Variants in FAM222A observed in about 807,000 individuals in gnomAD.
FAM222A encodes the protein protein FAM222A.
FAM222A carries 7 observed loss-of-function variants against 25.8 expected under a neutral mutation model. That is an observed-to-expected ratio of 0.27 (90% confidence interval 0.15 to 0.51). The LOEUF (loss-of-function observed/expected upper bound fraction) is 0.51. Among genes scored for constraint, FAM222A ranks in the 20% least tolerant of loss-of-function variants. FAM222A has a pLI of 0.97. For missense variants in FAM222A, 573 were observed against 640.5 expected (o/e 0.89, Z 1.14); for synonymous variants, 294 against 298.8 (o/e 0.98, Z 0.17).
At chr12:109,732,606 G>A (rs1043831139) in intron 1 of FAM222A, among the ~76,000 whole-genome samples, 2 of 152,246 alleles carry the variant, frequency 1.3e-5, no homozygotes, top group African/African-American at 4.8e-5. Context: ...GCTTTGTGCT[G>A]TCACAGCCGT....
At position 109,769,515 on chromosome 12, in the gene FAM222A, G is replaced by C; in HGVS notation, c.*227G>C. On this transcript the variant is annotated 3_prime_UTR_variant, in exon 3 of 3. Transcript: ENST00000538780. ...CATCGGTTGCCCCAGGACACAGTGA[G>C]GGCCTGGGGGCAGCCACTGACGCCC... The C allele has an allele frequency of 1.7e-6, 1 of 573,782 alleles. No individual in the cohort carries two copies. The highest frequency in any genetic ancestry group is 2.4e-5 in the South Asian group (1 of 40,820). 35.5% of individuals were successfully genotyped at this position (573,782 alleles called of 1,614,324 possible). A position where few individuals can be genotyped will look rare whatever the true frequency, so the allele number is the denominator to read the frequency against.
Position 109,714,184 on chromosome 12 carries a change from G to A in FAM222A, c.-760G>A, listed in dbSNP as rs532965796. The A allele has an allele frequency of 2.2e-4, 45 of 204,820 alleles. No homozygotes were observed. The highest frequency in any genetic ancestry group is 1.0e-3 in the African/African-American group (42 of 42,016). 12.7% of individuals were successfully genotyped at this position (204,820 alleles called of 1,614,324 possible). ...CGCCGAGGCCCCCGAGGCTGCATCC[G>A]AGCTTGCGTCGCCCGCTGCCGCCGC... On this transcript the variant is annotated 5_prime_UTR_variant, in exon 1 of 3. Transcript: ENST00000538780. This position sits in a 1 kb window ranked among gnomAD's most constrained non-coding sequence, Gnocchi z 4.2.
At chr12:109,719,618 G>A (rs568581225) in intron 1 of FAM222A, among the ~76,000 whole-genome samples, 3 of 152,304 alleles carry the variant, frequency 2.0e-5, no homozygotes, top group Admixed American at 1.3e-4. Context: ...CTGACAAAGC[G>A]GGCTGTGCTC....
chr12:109,756,799 C>T (rs543481068), intron 2 of FAM222A, among the ~76,000 whole-genome samples: 170 of 152,142 alleles, frequency 1.1e-3, no homozygotes, highest in Admixed American at 2.6e-3. Flanking sequence ...CTATATGGTC[C>T]ATAGTTTTTT....
At chr12:109,741,281 C>T (rs2136338624) in intron 1 of FAM222A, among the ~76,000 whole-genome samples, 1 of 152,310 alleles carries the variant, frequency 6.6e-6, no homozygotes, top group South Asian at 2.1e-4. Flanking sequence ...AAAAGTCCCT[C>T]CTCTTTAAGT....
intron 2 of FAM222A, among the ~76,000 whole-genome samples, chr12:109,752,531 G>A (rs1037089742): frequency 2.0e-5 from 3 of 152,226 alleles, no homozygotes; most frequent in Admixed American, 2.0e-4. Context: ...GACCAGACCT[G>A]GGGCCATGCT....
In FAM222A at chr12:109,769,831, G is replaced by A. The variant is rs1339046715; in HGVS notation, c.*543G>A. 1.3e-5 allele frequency: 2 copies of A among 159,918 alleles called. No homozygotes were observed. The highest frequency in any genetic ancestry group is 4.8e-5 in the African/African-American group (2 of 41,518). 9.9% of individuals were successfully genotyped at this position (159,918 alleles called of 1,614,324 possible). A position where few individuals can be genotyped will look rare whatever the true frequency, so the allele number is the denominator to read the frequency against. ...CCAGGTGAAGACCACTCTGACAGAGGCTCCAGGGACTATACCAGTCCCCCT... is the reference window on the plus strand; with the variant it reads ...CCAGGTGAAGACCACTCTGACAGAGACTCCAGGGACTATACCAGTCCCCCT... On this transcript the variant is annotated 3_prime_UTR_variant, in exon 3 of 3. Coordinates refer to ENST00000538780, the MANE Select transcript of FAM222A (RefSeq NM_032829.3).
At chr12:109,748,331 TTTC>T (rs869253825) in intron 2 of FAM222A, among the ~76,000 whole-genome samples, 40,985 of 112,170 alleles carry the variant, frequency 0.37, 5,913 homozygotes, top group South Asian at 0.44. Context: ...TTTGGTTTTC[TTTC>T]TTTTTTTTTT....
At position 109,769,156 on chromosome 12, in the gene FAM222A, G is replaced by A. The variant is rs1374580458; in HGVS notation, c.1227G>A (p.Leu409=). The stretch of plus-strand genomic sequence containing the variant: ...TGCTGAGCAGCAGCCTGCAGTCACT[G>A]GAGTATCTCATCAACGACATCCGGC... The part of the protein sequence containing the change: ...TSVLSSSLQS[L]EYLINDIRPP... The change falls in exon 3 of 3, where the codon CTG becomes CTA. Residue 409 remains leucine, a synonymous_variant. Coordinates refer to ENST00000538780, the MANE Select transcript of FAM222A (RefSeq NM_032829.3). 6.2e-7 allele frequency: 1 copy of A among 1,612,490 alleles called. No individual in the cohort carries two copies. The highest frequency in any genetic ancestry group is 8.5e-7 in the Non-Finnish European group (1 of 1,179,884).
At chr12:109,739,738 T>C (rs1371786305) in intron 1 of FAM222A, among the ~76,000 whole-genome samples, 1 of 152,110 alleles carries the variant, frequency 6.6e-6, no homozygotes, top group African/African-American at 2.4e-5. Context: ...CCAACCACGA[T>C]GGAGCTGCTG....
intron 1 of FAM222A, among the ~76,000 whole-genome samples, chr12:109,731,668 C>T (rs1371158825): frequency 6.6e-6 from 1 of 152,116 alleles, no homozygotes; most frequent in East Asian, 1.9e-4. Context: ...GGGGGTGGGG[C>T]TTGTGTTGCC....
Position 109,768,768 on chromosome 12 carries a change from A to G in FAM222A, c.839A>G (p.Asp280Gly). ...GCCGCCAAGCCTGCAGGGTACGCAG[A>G]CAGCGGCCTGGATTACCTGCTGTGG... is the stretch of plus-strand genomic sequence containing the variant. ...AGAAKPAGYA[D>G]SGLDYLLWPQ... is the part of the protein sequence containing the mutation. Residue 280 changes from aspartate to glycine, a missense_variant, in exon 3 of 3, where the codon GAC becomes GGC. Asp to Gly is a moderately conservative substitution (Grantham distance 94, BLOSUM62 -1). This residue lies in a region of FAM222A where 412 missense variants were observed against 407.0 expected (regional missense o/e 1.01). Coordinates refer to ENST00000538780, the MANE Select transcript of FAM222A (RefSeq NM_032829.3). The G allele has an allele frequency of 6.3e-7, 1 of 1,581,376 alleles. No homozygotes were observed. Among genetic ancestry groups the G allele is most frequent in the Non-Finnish European group, 8.6e-7 (1 of 1,169,324 alleles).
intron 1 of FAM222A, among the ~76,000 whole-genome samples, chr12:109,719,784 C>T (rs1273334692): frequency 4.6e-5 from 7 of 151,962 alleles, no homozygotes; most frequent in Admixed American, 2.6e-4. Context: ...GTGCAGGGGG[C>T]ATCGGGTGCT....
At chr12:109,724,034 A>G (rs1887798098) in intron 1 of FAM222A, among the ~76,000 whole-genome samples, 1 of 152,186 alleles carries the variant, frequency 6.6e-6, no homozygotes, top group South Asian at 2.1e-4. Context: ...GCTGGGACCC[A>G]TCCCCGGGGG....
At chr12:109,757,794 C>T (rs1888776344) in intron 2 of FAM222A, among the ~76,000 whole-genome samples, 2 of 152,202 alleles carry the variant, frequency 1.3e-5, no homozygotes, top group South Asian at 2.1e-4. Context: ...TGAGTCAGAA[C>T]AACATGTATA....
intron 2 of FAM222A, among the ~76,000 whole-genome samples, chr12:109,762,670 C>T (rs983620658): frequency 1.3e-5 from 2 of 152,236 alleles, no homozygotes; most frequent in African/African-American, 4.8e-5. Flanking sequence ...AGTCTAGAGC[C>T]TTCACCAAGC....
rs1177970503 is a variant in FAM222A at position 109,768,473 on chromosome 12, ATCCCCCTGCCGGGCCGGGGCC to A, written c.546_566del (p.Ile182_Leu189delinsMet). 1 of 1,603,354 alleles carries A rather than the reference ATCCCCCTGCCGGGCCGGGGCC, an allele frequency of 6.2e-7. No homozygotes were observed. The highest frequency in any genetic ancestry group is 1.1e-5 in the South Asian group (1 of 90,970). ...CGCAGCCGCCACTGCCGCCTCCGTC[ATCCCCCTGCCGGGCCGGGGCC>A]TGCCCCTGCCACCTTCCAACCTGCC... On this transcript the variant is annotated inframe_deletion, in exon 3 of 3. Coordinates refer to ENST00000538780, the MANE Select transcript of FAM222A (RefSeq NM_032829.3).
chr12:109,740,949 G>A (rs1295365849), intron 1 of FAM222A, among the ~76,000 whole-genome samples: 3 of 152,228 alleles, frequency 2.0e-5, no homozygotes, highest in Admixed American at 6.5e-5. Context: ...CCGTAGGCAG[G>A]AGAACCAGCA....
intron 1 of FAM222A, among the ~76,000 whole-genome samples, chr12:109,743,247 G>A (rs575856493): frequency 6.6e-6 from 1 of 152,324 alleles, no homozygotes; most frequent in African/African-American, 2.4e-5. Flanking sequence ...CTGCCAGTCA[G>A]GGGCTTTGGG....
Sources: allele counts gnomAD v4.1 joint callset (sites outside exome capture counted in the v4.1 genomes callset), GRCh38; gene constraint gnomAD v4.1.1; regional missense constraint gnomAD v4.1.1; non-coding constraint Gnocchi (gnomAD v3.1); transcripts MANE v1.5; gene names NCBI Gene and HGNC (gene_info 2026-07-23, HGNC 2026-07-21).